ASDURF: variants seen among roughly 807,000 people sequenced by gnomAD.
The protein encoded by ASDURF is ASDURF protein.
A neutral mutation model predicts 3.3 loss-of-function variants in ASDURF; 3 were observed. That is an observed-to-expected ratio of 0.92 (90% CI 0.42 to 2.37). The LOEUF (loss-of-function observed/expected upper bound fraction) is 2.37, where lower values mean the gene tolerates loss of function less well. Among genes scored for constraint, ASDURF ranks in the 30% most tolerant of loss-of-function variants. The probability of loss-of-function intolerance (pLI) is 0.05; values close to 1 mark genes in which losing one functional copy is unlikely to be tolerated. For missense variants in ASDURF, 23 were observed against 25.4 expected, an observed-to-expected ratio of 0.90 and a Z score of 0.21; for synonymous variants, 11 against 8.3, an observed-to-expected ratio of 1.32 and a Z score of -0.55.
In ASDURF at chr2:189,663,955, G is replaced by GT. The variant is rs1257003783; in HGVS notation, c.144+2dup. The GT allele has an allele frequency of 7.7e-6, 3 of 387,880 alleles. No homozygotes were observed. The highest frequency in any genetic ancestry group is 9.2e-6 in the Non-Finnish European group (2 of 218,482). 24.0% of individuals were successfully genotyped at this position (387,880 alleles called of 1,614,324 possible). On this transcript the variant is annotated splice_donor_variant, in intron 2 of 3. Transcript: ENST00000607829. LOFTEE classifies it high-confidence loss of function. Reference sequence around the variant, plus strand: ...ACTTTCTAACCTTAAGAAGAATAGGGTGAGTTATTATAGGAATTCTGAATA... The same window carrying GT: ...ACTTTCTAACCTTAAGAAGAATAGGGTTGAGTTATTATAGGAATTCTGAATA...
intron 2 of ASDURF, among the ~76,000 whole-genome samples, chr2:189,664,299 T>G (rs1171749872): frequency 6.6e-6 from 1 of 152,220 alleles, no homozygotes; most frequent in Non-Finnish European, 1.5e-5. Flanking sequence ...AGAAGAAACT[T>G]TTCTTTTAAA....
At chr2:189,662,286 G>A (rs1352250240) in intron 1 of ASDURF, among the ~76,000 whole-genome samples, 2 of 152,196 alleles carry the variant, frequency 1.3e-5, no homozygotes, top group Non-Finnish European at 2.9e-5. Context: ...ATAAATGGGG[G>A]TGGCGAGGGT....
chr2:189,661,709 C>T (rs1190750521), intron 1 of ASDURF, 99 bp downstream of exon 1: 1 of 398,636 alleles, frequency 2.5e-6, no homozygotes, highest in African/African-American at 2.1e-5. Context: ...CCTGCCTGGG[C>T]CTCGGCTTTG....
chr2:189,662,682 A>G (rs969735327), intron 1 of ASDURF, among the ~76,000 whole-genome samples: 2 of 152,176 alleles, frequency 1.3e-5, no homozygotes, highest in African/African-American at 2.4e-5. Flanking sequence ...AATATGATAA[A>G]AGCTGCTTTT....
intron 1 of ASDURF, among the ~76,000 whole-genome samples, chr2:189,662,583 GACAC>G (rs889824103): frequency 1.4e-4 from 21 of 152,268 alleles, no homozygotes; most frequent in Non-Finnish European, 2.8e-4. Context: ...ATTTTCAAAA[GACAC>G]ACAGCCCATT....
chr2:189,665,760 T>C (rs926572060), intron 3 of ASDURF, among the ~76,000 whole-genome samples: 1 of 151,530 alleles, frequency 6.6e-6, no homozygotes, highest in African/African-American at 2.4e-5. Flanking sequence ...GTGAAATACT[T>C]TAAGCCTCCA....
chr2:189,662,456 T>C lies in ASDURF; in HGVS notation c.90+846T>C, dbSNP rs143259711. Among the ~76,000 whole-genome samples, 771 of 152,318 alleles carry C rather than the reference T, an allele frequency of 5.1e-3. 9 individuals are homozygous for C. The highest frequency in any genetic ancestry group is 0.017 in the African/African-American group (712 of 41,562). ...TCATTCCTAAAATGGGAAAGCCCTG[T>C]ATAAATGTTAAGTCTCAAAGAATGT... On this transcript the variant is annotated intron_variant, in intron 1 of 3. Transcript: ENST00000607829.
At position 189,665,916 on chromosome 2, in the gene ASDURF, C is replaced by G. The variant is rs542260422; in HGVS notation, c.221-125C>G. The stretch of plus-strand genomic sequence containing the variant: ...AGCCTGTTGTTAATTATCATTGGTA[C>G]TGGCACAGTGTGTGTGTTTATATGG... On this transcript the variant is annotated intron_variant, in intron 3 of 3. Transcript: ENST00000607829. The G allele has an allele frequency of 7.0e-5, 32 of 457,530 alleles. No individual in the cohort carries two copies. The South Asian group carries it at 7.2e-4, about 10-fold the overall frequency. 28.3% of individuals were successfully genotyped at this position (457,530 alleles called of 1,614,324 possible). A position where few individuals can be genotyped will look rare whatever the true frequency, so the allele number is the denominator to read the frequency against.
chr2:189,665,610 A>ATATATATATATATATATATATATGTG (rs2032776329), intron 3 of ASDURF, among the ~76,000 whole-genome samples, 159 bp downstream of exon 3: 1 of 20,232 alleles, frequency 4.9e-5, no homozygotes, highest in Non-Finnish European at 1.8e-4. Flanking sequence ...ATATATATAT[A>ATATATATATATATATATATATATGTG]TATATATATA....
chr2:189,663,543 G>A (rs559028116), intron 1 of ASDURF, among the ~76,000 whole-genome samples: 9 of 152,284 alleles, frequency 5.9e-5, no homozygotes, highest in African/African-American at 1.7e-4. Context: ...ATGAGCCACC[G>A]CACCCGGCCT....
chr2:189,663,898 T>C lies in ASDURF; in HGVS notation c.91-3T>C, dbSNP rs765386736. 4.6e-5 allele frequency: 18 copies of C among 387,508 alleles called. No individual in the cohort carries two copies. Among genetic ancestry groups the C allele is most frequent in the Non-Finnish European group, 6.4e-5 (14 of 218,170 alleles). 24.0% of individuals were successfully genotyped at this position (387,508 alleles called of 1,614,324 possible). On this transcript the variant is annotated splice_polypyrimidine_tract_variant and splice_region_variant and intron_variant, in intron 1 of 3. Coordinates refer to ENST00000607829, the MANE Select transcript of ASDURF (RefSeq NM_001353493.2). ...CTTAAGGAGTTTTTCTTTATTTCAA[T>C]AGATTAAAGAACAAAAAATTGTGGT... is the stretch of plus-strand genomic sequence containing the variant.
chr2:189,661,560 C>G lies in ASDURF; in HGVS notation c.40C>G (p.Leu14Val), dbSNP rs181844257. ...GACGCGACCAGAGGACAGCTCTGTG[C>G]TGATCCCCACCGACAATTCGACCCC... Reference protein sequence around the residue: ...RGTRPEDSSVLIPTDNSTPHK... With the variant: ...RGTRPEDSSVVIPTDNSTPHK... The change falls in exon 1 of 4, where the codon CTG (leucine) becomes GTG (valine). Residue 14 changes from leucine (L) to valine (V), a missense_variant. Transcript: ENST00000607829. 3 of 399,308 alleles carry G rather than the reference C, an allele frequency of 7.5e-6. No homozygotes were observed. The highest frequency in any genetic ancestry group is 1.3e-5 in the Non-Finnish European group (3 of 226,260). The allele number at this position is 399,308 out of a possible 1,614,324, so 24.7% of individuals were successfully genotyped here.
At chr2:189,665,533 A>G in intron 3 of ASDURF, 82 bp downstream of exon 3, 1 of 360,034 alleles carries the variant, frequency 2.8e-6, no homozygotes, top group Non-Finnish European at 4.9e-6. Context: ...CTAAAGATTA[A>G]TGCAGCAGTT....
chr2:189,664,746 C>CAAA (rs545748114), intron 2 of ASDURF, among the ~76,000 whole-genome samples: 1 of 123,082 alleles, frequency 8.1e-6, no homozygotes. Flanking sequence ...GACTCCTTCT[C>CAAA]AAAAAAAAAA....
rs550654112 is a variant in ASDURF, at chr2:189,663,916, A to C, written c.106A>C (p.Ile36Leu). 2.6e-6 allele frequency: 1 copy of C among 388,212 alleles called. No individual in the cohort carries two copies. The highest frequency in any genetic ancestry group is 6.6e-4 in the Middle Eastern group (1 of 1,508). The allele number at this position is 388,212 out of a possible 1,614,324, so 24.0% of individuals were successfully genotyped here. ...DLSSKIKEQK[I>L]VVDELSNLKK... ...ATTTCAATAGATTAAAGAACAAAAA[A>C]TTGTGGTGGATGAACTTTCTAACCT... is the stretch of plus-strand genomic sequence containing the variant. Residue 36 changes from isoleucine to leucine, a missense_variant, in exon 2 of 4, where the codon ATT becomes CTT. Transcript: ENST00000607829.
intron 1 of ASDURF, 53 bp from the exon 2 acceptor site, chr2:189,663,848 T>C (rs754111622): frequency 3.7e-5 from 14 of 375,684 alleles, no homozygotes; most frequent in Non-Finnish European, 5.2e-5. Flanking sequence ...GGGATTTTCA[T>C]TGAGCATACT....
At chr2:189,665,634 A>ATGTG (rs1254218394) in intron 3 of ASDURF, among the ~76,000 whole-genome samples, 183 bp downstream of exon 3, 125 of 124,514 alleles carry the variant, frequency 1.0e-3, no homozygotes, top group Non-Finnish European at 1.5e-3. Flanking sequence ...ATATATATAT[A>ATGTG]TATATATATA....
At chr2:189,663,643 C>A (rs1309933026) in intron 1 of ASDURF, among the ~76,000 whole-genome samples, 1 of 152,192 alleles carries the variant, frequency 6.6e-6, no homozygotes, top group East Asian at 1.9e-4. Flanking sequence ...ACACGAAAAT[C>A]CCTGTCTGGT....
chr2:189,663,372 G>C (rs1190247385), intron 1 of ASDURF, among the ~76,000 whole-genome samples: 4 of 152,080 alleles, frequency 2.6e-5, no homozygotes, highest in Non-Finnish European at 4.4e-5. Context: ...TCCTGCCTCA[G>C]CCTCCCGAAT....
Sources: allele counts gnomAD v4.1 joint callset (sites outside exome capture counted in the v4.1 genomes callset), GRCh38; gene constraint gnomAD v4.1.1; transcripts MANE v1.5; gene names NCBI Gene and HGNC (gene_info 2026-07-23, HGNC 2026-07-21).